The following MYO1E variants were observed in gnomAD, a reference collection of about 807,000 sequenced individuals.
MYO1E encodes the protein unconventional myosin-Ie.
MYO1E carries 68 observed loss-of-function variants against 151.1 expected under a neutral mutation model. The ratio of observed to expected loss-of-function variants is 0.45; its 90% CI spans 0.37 to 0.55. The LOEUF (loss-of-function observed/expected upper bound fraction) is 0.55. Among genes scored for constraint, MYO1E ranks in the 20% least tolerant of loss-of-function variants. MYO1E has a pLI of 0.00. For synonymous variants in MYO1E, 601 were observed against 501.7 expected (o/e 1.20, Z -2.64); for missense variants, 1,363 against 1,389.3 (o/e 0.98, Z 0.30).
chr15:59,172,413 C>G (rs1371084551), intron 21 of MYO1E, among the ~76,000 whole-genome samples: 1 of 152,186 alleles, frequency 6.6e-6, no homozygotes, highest in Non-Finnish European at 1.5e-5. Flanking sequence ...CAGTGGACTG[C>G]TGTTACCAGG....
intron 4 of MYO1E, among the ~76,000 whole-genome samples, chr15:59,240,303 G>C (rs1159967981): frequency 4.6e-5 from 7 of 152,172 alleles, no homozygotes; most frequent in African/African-American, 1.7e-4. Flanking sequence ...AACAAGCCAA[G>C]CAATTTTAAA....
At position 59,224,596 on chromosome 15, in the gene MYO1E, G is replaced by C. The variant is rs1272695139; in HGVS notation, c.777+93C>G. The C allele has an allele frequency of 2.6e-6, 4 of 1,516,946 alleles. No homozygotes were observed. In the African/African-American group the frequency reaches 5.5e-5, roughly 21 times the overall value. 94.0% of individuals were successfully genotyped at this position (1,516,946 alleles called of 1,614,324 possible). ...GAGAAAGAGGCGGACATTTCATGCA[G>C]CTCTTTGCTTTATTAACCTTCACTG... On this transcript the variant is annotated intron_variant, in intron 8 of 27. Transcript: ENST00000288235.
chr15:59,183,613 T>A (rs1282865115), intron 18 of MYO1E, among the ~76,000 whole-genome samples: 1 of 152,202 alleles, frequency 6.6e-6, no homozygotes, highest in Non-Finnish European at 1.5e-5. Context: ...AGGCATGCAA[T>A]GTGGAATAAC....
chr15:59,195,433 C>G (rs545738120), intron 17 of MYO1E, 28 bp downstream of exon 17: 1 of 1,576,512 alleles, frequency 6.3e-7, no homozygotes, highest in South Asian at 1.1e-5. Flanking sequence ...AAGGTCCCGG[C>G]CCCACCTAAG....
intron 1 of MYO1E, among the ~76,000 whole-genome samples, chr15:59,309,032 G>A (rs2080533507): frequency 6.6e-6 from 1 of 151,722 alleles, no homozygotes; most frequent in South Asian, 2.1e-4. Flanking sequence ...AGGATAGCTT[G>A]AGCCTGGGAG....
chr15:59,356,946 C>G (rs1229140877), intron 1 of MYO1E, among the ~76,000 whole-genome samples: 10 of 151,360 alleles, frequency 6.6e-5, no homozygotes, highest in Non-Finnish European at 1.0e-4. Flanking sequence ...ACTCTTGCTG[C>G]CTAGGCTGGA....
At chr15:59,348,694 C>G (rs1199121425) in intron 1 of MYO1E, 1 of 151,546 alleles carries the variant, frequency 6.6e-6, no homozygotes, top group African/African-American at 2.4e-5. Flanking sequence ...GGCAATGGCA[C>G]GATCACAGTT....
In MYO1E at chr15:59,203,242, A is replaced by G. The variant is rs144844688; in HGVS notation, c.1617-835T>C. Among the ~76,000 whole-genome samples the G allele has an allele frequency of 1.9e-3, 294 of 152,266 alleles. 3 individuals are homozygous for G. The highest frequency in any genetic ancestry group is 3.0e-3 in the African/African-American group (126 of 41,552). On this transcript the variant is annotated intron_variant, in intron 15 of 27. Coordinates refer to ENST00000288235, the MANE Select transcript of MYO1E (RefSeq NM_004998.4). ...TACATATTGTGGGATATTTAGCAGC[A>G]TCCATGGTCTCTGCTCACCAGATGC...
chr15:59,272,839 A>G (rs1479130894), intron 1 of MYO1E, among the ~76,000 whole-genome samples: 1 of 152,256 alleles, frequency 6.6e-6, no homozygotes, highest in Non-Finnish European at 1.5e-5. Flanking sequence ...TCCTTCAACC[A>G]TACTGTTGTG....
At chr15:59,187,828 T>G (rs149004962) in intron 18 of MYO1E, among the ~76,000 whole-genome samples, 1 of 152,212 alleles carries the variant, frequency 6.6e-6, no homozygotes, top group Non-Finnish European at 1.5e-5. Context: ...AGAGGACACA[T>G]ATATGATTCC....
intron 2 of MYO1E, among the ~76,000 whole-genome samples, chr15:59,266,429 G>C (rs1464811075): frequency 6.6e-6 from 1 of 152,144 alleles, no homozygotes; most frequent in South Asian, 2.1e-4. Flanking sequence ...ATCTTTAACT[G>C]ATGGGTTCCC....
intron 14 of MYO1E, chr15:59,207,998 T>C (rs1198819099): frequency 6.2e-7 from 1 of 1,613,570 alleles, no homozygotes; most frequent in Non-Finnish European, 8.5e-7. Context: ...ACCAACCTTA[T>C]AAAGATAAAG....
intron 25 of MYO1E, among the ~76,000 whole-genome samples, chr15:59,154,287 C>T (rs1232446680): frequency 2.6e-5 from 4 of 152,202 alleles, no homozygotes; most frequent in African/African-American, 2.4e-5. Context: ...TGGGCATCCA[C>T]GGCAGGAGCC....
At position 59,227,544 on chromosome 15, in the gene MYO1E, C is replaced by A. The variant is rs545728678; in HGVS notation, c.557G>T (p.Gly186Val). 2 of 1,614,190 alleles carry A rather than the reference C, an allele frequency of 1.2e-6. No homozygotes were observed. Among genetic ancestry groups the A allele is most frequent in the East Asian group, 2.2e-5 (1 of 44,882 alleles). Reference sequence around the variant, plus strand: ...CAGAAGGAAGTTGGAGATCTTTCCACCATCTGGTTCCCCACCTGGACTGAA... The same window carrying A: ...CAGAAGGAAGTTGGAGATCTTTCCAACATCTGGTTCCCCACCTGGACTGAA... The part of the protein sequence containing the change: ...IQFSPGGEPD[G>V]GKISNFLLEK... Residue 186 changes from glycine to valine, a missense_variant, in exon 7 of 28, where the codon GGT (glycine) becomes GTT (valine). By Grantham distance (109) the Gly-to-Val change is moderately radical. Coordinates refer to ENST00000288235, the MANE Select transcript of MYO1E (RefSeq NM_004998.4).
intron 22 of MYO1E, among the ~76,000 whole-genome samples, chr15:59,167,438 C>T (rs2079568888): frequency 6.6e-6 from 1 of 152,156 alleles, no homozygotes; most frequent in Admixed American, 6.5e-5. Context: ...GGTCATTACA[C>T]CTGTGGTCAC....
intron 16 of MYO1E, among the ~76,000 whole-genome samples, chr15:59,197,557 T>G (rs1470516753): frequency 6.6e-6 from 1 of 152,214 alleles, no homozygotes; most frequent in Admixed American, 6.5e-5. Flanking sequence ...TTATTCCTGT[T>G]TTTTAGATGA....
intron 1 of MYO1E, among the ~76,000 whole-genome samples, chr15:59,334,849 T>TA (rs772899837): frequency 6.6e-6 from 1 of 152,212 alleles, no homozygotes; most frequent in Non-Finnish European, 1.5e-5. Flanking sequence ...ATGATTTACT[T>TA]ATCAGACTGG....
intron 8 of MYO1E, among the ~76,000 whole-genome samples, chr15:59,224,089 G>T (rs573150043): frequency 6.6e-6 from 1 of 152,330 alleles, no homozygotes. Flanking sequence ...GAAGGCCTTT[G>T]AGGCCAAGTG....
chr15:59,221,025 T>A (rs2079952496), intron 9 of MYO1E, among the ~76,000 whole-genome samples: 1 of 146,034 alleles, frequency 6.8e-6, no homozygotes, highest in African/African-American at 2.5e-5. Context: ...TATATAAAAT[T>A]TATATATATA....
Sources: gnomAD v4.1 joint callset for allele counts (sites outside exome capture counted in the v4.1 genomes callset) on GRCh38, gnomAD v4.1.1 for gene constraint, MANE v1.5 for transcripts, NCBI Gene and HGNC (gene_info 2026-07-23, HGNC 2026-07-21) for gene names.